SNX31: variants seen among roughly 807,000 people sequenced by gnomAD.
SNX31 encodes sorting nexin 31, also known as sorting nexin-31.
A neutral mutation model predicts 65.4 loss-of-function variants in SNX31; 58 were observed. That is an observed-to-expected ratio of 0.89 (90% CI 0.72 to 1.10). The LOEUF is 1.10. Among genes scored for constraint, SNX31 ranks in the 50% least tolerant of loss-of-function variants. The pLI, the probability that SNX31 is intolerant of heterozygous loss-of-function variation, is 0.00. For missense variants in SNX31, 523 were observed against 529.7 expected (o/e 0.99, Z 0.12); for synonymous variants, 181 against 190.1 (o/e 0.95, Z 0.39).
upstream of SNX31, among the ~76,000 whole-genome samples, chr8:100,652,089 C>T (rs977984474): frequency 6.6e-6 from 1 of 152,196 alleles, no homozygotes; most frequent in African/African-American, 2.4e-5. Flanking sequence ...TGCCATTCTC[C>T]TGCCTCGGCC....
chr8:100,584,207 A>C lies in SNX31; in HGVS notation c.1093-19T>G. 8 of 1,584,468 alleles carry C rather than the reference A, an allele frequency of 5.0e-6. No individual in the cohort carries two copies. The highest frequency in any genetic ancestry group is 6.9e-6 in the Non-Finnish European group (8 of 1,167,542). ...AAAAAGCCTAAGAAATGCAGGAATAAAGAACTCTTGTAACCGAAGAAATCT... is the reference window on the plus strand; with the variant it reads ...AAAAAGCCTAAGAAATGCAGGAATACAGAACTCTTGTAACCGAAGAAATCT... On this transcript the variant is annotated intron_variant, in intron 11 of 13. Coordinates refer to ENST00000311812, the MANE Select transcript of SNX31 (RefSeq NM_152628.4).
At chr8:100,657,602 G>GT in intron 1 of SNX31, 1 of 451,082 alleles carries the variant, frequency 2.2e-6, no homozygotes, top group South Asian at 1.6e-5. Context: ...AGTCCAGACT[G>GT]TGCTTGGATG....
intron 1 of SNX31, among the ~76,000 whole-genome samples, chr8:100,657,452 CA>C (rs34516016): frequency 0.33 from 33,922 of 102,154 alleles, 3,956 homozygotes; most frequent in Admixed American, 0.4. Flanking sequence ...AACTCCAACT[CA>C]AAAAAAAAAA....
chr8:100,628,119 G>T (rs1268441043), intron 4 of SNX31, among the ~76,000 whole-genome samples: 1 of 152,200 alleles, frequency 6.6e-6, no homozygotes, highest in African/African-American at 2.4e-5. Context: ...TGGAAAAATA[G>T]GAACACTTTT....
intron 7 of SNX31, among the ~76,000 whole-genome samples, chr8:100,611,128 G>A (rs759890360): frequency 1.4e-4 from 21 of 152,168 alleles, no homozygotes; most frequent in Non-Finnish European, 1.0e-4. Flanking sequence ...AATATGGATG[G>A]CCCTGTACAC....
intron 8 of SNX31, among the ~76,000 whole-genome samples, chr8:100,603,742 G>A (rs1158899670): frequency 1.4e-5 from 2 of 144,016 alleles, no homozygotes; most frequent in East Asian, 2.0e-4. Context: ...CACCACACCC[G>A]GCCTTTTTTT....
chr8:100,611,909 T>A, intron 7 of SNX31, 91 bp downstream of exon 7: 1 of 976,488 alleles, frequency 1.0e-6, no homozygotes, highest in Non-Finnish European at 1.6e-6. Context: ...GCTGTCAGGC[T>A]ATGAGCAGGA....
At position 100,613,223 on chromosome 8, in the gene SNX31, C is replaced by G; in HGVS notation, c.433-138G>C. ...TGGGTTAGTGAACACTCAAAGAAAG[C>G]TTTTTGGAATCAAAAAATGGTATCC... is the stretch of plus-strand genomic sequence containing the variant. On this transcript the variant is annotated intron_variant, in intron 5 of 13. Transcript: ENST00000311812. The surrounding 1 kb of genome is among the most constrained non-coding windows in gnomAD (Gnocchi z 5.2). The G allele has an allele frequency of 1.6e-6, 1 of 625,838 alleles. No individual in the cohort carries two copies. The highest frequency in any genetic ancestry group is 2.1e-5 in the South Asian group (1 of 46,908). 38.8% of individuals were successfully genotyped at this position (625,838 alleles called of 1,614,324 possible).
At chr8:100,641,562 AAAAATATATATATATAT>A (rs1563580398) in intron 2 of SNX31, among the ~76,000 whole-genome samples, 5 of 28,092 alleles carry the variant, frequency 1.8e-4, no homozygotes, top group Non-Finnish European at 2.8e-4. Context: ...AAAAAAAAAA[AAAAATATATATATATAT>A]ATATATATAT....
chr8:100,596,178 G>A (rs73272379), intron 10 of SNX31, among the ~76,000 whole-genome samples: 3,539 of 152,210 alleles, frequency 0.023, 135 homozygotes, highest in African/African-American at 0.079. Context: ...ACAGTGCAGC[G>A]CAGCCCCTGG....
At chr8:100,602,494 T>A (rs1458603597) in intron 8 of SNX31, among the ~76,000 whole-genome samples, 1 of 152,224 alleles carries the variant, frequency 6.6e-6, no homozygotes, top group Non-Finnish European at 1.5e-5. Flanking sequence ...AAACTCTATA[T>A]ATACTATGTT....
chr8:100,646,285 G>A (rs1432070055), intron 2 of SNX31, among the ~76,000 whole-genome samples: 1 of 152,162 alleles, frequency 6.6e-6, no homozygotes, highest in East Asian at 1.9e-4. Context: ...GTCAAAAACA[G>A]GTTATGGTGG....
rs1043546019 is a variant in SNX31 at position 100,609,379 on chromosome 8, C to A, written c.612-816G>T. On this transcript the variant is annotated intron_variant, in intron 7 of 13. Transcript: ENST00000311812. This position sits in a 1 kb window ranked among gnomAD's most constrained non-coding sequence, Gnocchi z 4.9. ...CTGCACCCTGAGTTTATTCCAATTG[C>A]CACTCTGATTAAGTTTTCTTGACAC... 1.3e-5 allele frequency among the ~76,000 whole-genome samples: 2 copies of A among 152,174 alleles called. No homozygotes were observed. The highest frequency in any genetic ancestry group is 2.9e-5 in the Non-Finnish European group (2 of 68,028).
At position 100,592,943 on chromosome 8, in the gene SNX31, TC is replaced by T. The variant is rs1393828330; in HGVS notation, c.978+3695del. On this transcript the variant is annotated intron_variant, in intron 10 of 13. Transcript: ENST00000311812. The stretch of plus-strand genomic sequence containing the variant: ...GCGGTTACCTCCTCATGCCGGACTT[TC>T]TATGTGTCCATTAATATAAATTATC... Among the ~76,000 whole-genome samples the T allele has an allele frequency of 2.6e-5, 4 of 152,322 alleles. No homozygotes were observed. In the East Asian group the frequency reaches 5.8e-4, roughly 22 times the overall value.
intron 2 of SNX31, among the ~76,000 whole-genome samples, chr8:100,640,611 G>T (rs1819099801): frequency 6.6e-6 from 1 of 152,210 alleles, no homozygotes; most frequent in Admixed American, 6.5e-5. Flanking sequence ...CCAACATCAA[G>T]AGTGTAAGTC....
chr8:100,632,779 A>G (rs1359443160), intron 3 of SNX31, among the ~76,000 whole-genome samples: 1 of 151,810 alleles, frequency 6.6e-6, no homozygotes, highest in Admixed American at 6.6e-5. Context: ...CTCTAAAAAA[A>G]ATACAGAGAT....
chr8:100,617,220 C>G (rs1229555195), intron 5 of SNX31, among the ~76,000 whole-genome samples: 1 of 152,162 alleles, frequency 6.6e-6, no homozygotes. Context: ...TCAAGAACTC[C>G]CCTGTCACCT....
chr8:100,608,462 A>C, intron 8 of SNX31, 32 bp downstream of exon 8: 11 of 1,608,554 alleles, frequency 6.8e-6, no homozygotes, highest in Non-Finnish European at 9.4e-6. Context: ...CCTATGATCT[A>C]CGGTGCTGTC....
chr8:100,631,869 C>A (rs1818438276), intron 3 of SNX31, among the ~76,000 whole-genome samples: 1 of 152,112 alleles, frequency 6.6e-6, no homozygotes, highest in African/African-American at 2.4e-5. Context: ...AGCATAAATT[C>A]TTGGGAATGA....
Sources: gnomAD v4.1 joint callset for allele counts (sites outside exome capture counted in the v4.1 genomes callset) on GRCh38, gnomAD v4.1.1 for gene constraint, Gnocchi (gnomAD v3.1) non-coding constraint, MANE v1.5 for transcripts, NCBI Gene and HGNC (gene_info 2026-07-23, HGNC 2026-07-21) for gene names.